The following SNX3 variants were observed in gnomAD, a reference collection of about 807,000 sequenced individuals.
SNX3 encodes sorting nexin 3, also known as sorting nexin-3.
In SNX3, 5 loss-of-function variants were observed where a neutral mutation model predicts 17.7. The ratio of observed to expected loss-of-function variants is 0.28; its 90% CI spans 0.15 to 0.59. The LOEUF is 0.59. Ranked by LOEUF, SNX3 falls within the 20% of genes least tolerant of loss-of-function variation. The pLI is 0.88. For synonymous variants in SNX3, 91 were observed against 76.5 expected, an observed-to-expected ratio of 1.19 and a Z score of -0.99; for missense variants, 132 against 206.8, an observed-to-expected ratio of 0.64 and a Z score of 2.22.
intron 1 of SNX3, among the ~76,000 whole-genome samples, chr6:108,234,600 C>T (rs1775268843): frequency 6.6e-6 from 1 of 152,098 alleles, no homozygotes. Context: ...ATTGAGTTTG[C>T]ATGGTAGACT....
intron 1 of SNX3, among the ~76,000 whole-genome samples, chr6:108,232,443 G>C (rs780390322): frequency 1.3e-5 from 2 of 152,042 alleles, no homozygotes; most frequent in Non-Finnish European, 1.5e-5. Flanking sequence ...AAAAAGGTAG[G>C]TCTTATACAC....
At position 108,214,530 on chromosome 6, in the gene SNX3, T is replaced by C; in HGVS notation, c.351A>G (p.Glu117=). The C allele has an allele frequency of 1.2e-6, 2 of 1,613,848 alleles. No individual in the cohort carries two copies. The highest frequency in any genetic ancestry group is 2.2e-5 in the East Asian group (1 of 44,872). The change falls in exon 3 of 4, where the codon GAA becomes GAG. Residue 117 remains glutamate (E), a synonymous_variant. Transcript: ENST00000230085. ...TAAACTGCTCCAGCCCTTGTTTTCT[T>C]TCCTCAATAAAATTGTCATCAAATA... The part of the protein sequence containing the change: ...DGIFDDNFIE[E]RKQGLEQFIN...
chr6:108,236,332 TTA>T (rs199598810), intron 1 of SNX3, among the ~76,000 whole-genome samples: 89 of 148,604 alleles, frequency 6.0e-4, no homozygotes, highest in Non-Finnish European at 1.2e-3. Context: ...CTACCTCTCT[TTA>T]TATATATATA....
At chr6:108,255,565 T>C (rs1200327726) in intron 1 of SNX3, among the ~76,000 whole-genome samples, 2 of 152,202 alleles carry the variant, frequency 1.3e-5, no homozygotes, top group Admixed American at 6.5e-5. Flanking sequence ...TTGCCCAGGC[T>C]GTGTGGCAAC....
intron 1 of SNX3, among the ~76,000 whole-genome samples, chr6:108,225,098 G>C (rs1774935021): frequency 6.6e-6 from 1 of 152,040 alleles, no homozygotes; most frequent in South Asian, 2.1e-4. Context: ...CTGGCTAACA[G>C]GTGAAACCTC....
In SNX3 at chr6:108,241,689, T is replaced by C. The variant is rs112725488; in HGVS notation, c.163-18644A>G. Reference sequence around the variant, plus strand: ...AATGTGGGCAAGTCCCTAAAAAAAATAAATAGCAACCACCACCTCCCCTTT... The same window carrying C: ...AATGTGGGCAAGTCCCTAAAAAAAACAAATAGCAACCACCACCTCCCCTTT... On this transcript the variant is annotated intron_variant, in intron 1 of 3. Transcript: ENST00000230085. Among the ~76,000 whole-genome samples, 322 of 151,864 alleles carry C rather than the reference T, an allele frequency of 2.1e-3. 4 individuals carry two copies. The highest frequency in any genetic ancestry group is 7.2e-3 in the African/African-American group (297 of 41,444).
At chr6:108,223,461 A>G (rs1319789539) in intron 1 of SNX3, among the ~76,000 whole-genome samples, 1 of 136,814 alleles carries the variant, frequency 7.3e-6, no homozygotes, top group African/African-American at 2.9e-5. Flanking sequence ...TTTTAATATG[A>G]CCTTTTACCC....
chr6:108,245,844 G>T (rs1266674454), intron 1 of SNX3, among the ~76,000 whole-genome samples: 1 of 152,134 alleles, frequency 6.6e-6, no homozygotes, highest in African/African-American at 2.4e-5. Context: ...CTGGATATTA[G>T]ACCTTTGTCA....
At chr6:108,246,313 C>CTTTTTTTTTTTTTTTT (rs71015538) in intron 1 of SNX3, among the ~76,000 whole-genome samples, 1 of 47,984 alleles carries the variant, frequency 2.1e-5, no homozygotes, top group African/African-American at 9.0e-5. Flanking sequence ...TTTGAGCATT[C>CTTTTTTTTTTTTTTTT]TTTTTTTTTT....
chr6:108,234,114 T>C (rs1775250879), intron 1 of SNX3, among the ~76,000 whole-genome samples: 1 of 152,104 alleles, frequency 6.6e-6, no homozygotes, highest in African/African-American at 2.4e-5. Context: ...AGCGGAATAC[T>C]CTTCCAAGAT....
intron 1 of SNX3, 104 bp from the exon 2 acceptor site, chr6:108,223,149 C>CT (rs373299849): frequency 1.5e-5 from 10 of 653,600 alleles, no homozygotes; most frequent in Non-Finnish European, 2.6e-5. Flanking sequence ...CTTTCTTTTT[C>CT]TTTTTTTGAG....
At chr6:108,227,840 G>A (rs1476118785) in intron 1 of SNX3, among the ~76,000 whole-genome samples, 1 of 150,298 alleles carries the variant, frequency 6.7e-6, no homozygotes, top group African/African-American at 2.4e-5. Context: ...TGTTGTTGTT[G>A]TTTAAGGTAC....
chr6:108,231,966 A>G (rs377184256), intron 1 of SNX3, among the ~76,000 whole-genome samples: 8 of 152,330 alleles, frequency 5.3e-5, no homozygotes, highest in African/African-American at 1.4e-4. Flanking sequence ...CTACTTGGAT[A>G]TTTGTACTCT....
intron 1 of SNX3, among the ~76,000 whole-genome samples, chr6:108,253,083 AAC>A (rs1224377525): frequency 2.0e-5 from 3 of 152,242 alleles, no homozygotes; most frequent in African/African-American, 7.2e-5. Flanking sequence ...ATCTAATAAT[AAC>A]AGTCTACTAC....
At chr6:108,235,455 G>GT (rs1775299914) in intron 1 of SNX3, among the ~76,000 whole-genome samples, 1 of 152,194 alleles carries the variant, frequency 6.6e-6, no homozygotes, top group Non-Finnish European at 1.5e-5. Context: ...ATGTTTAATT[G>GT]TAACTGTTTT....
chr6:108,214,907 C>G (rs1162099453), intron 2 of SNX3, among the ~76,000 whole-genome samples: 2 of 152,194 alleles, frequency 1.3e-5, no homozygotes, highest in Non-Finnish European at 2.9e-5. Flanking sequence ...ACTCACAACA[C>G]TGAAATAAAG....
intron 2 of SNX3, among the ~76,000 whole-genome samples, chr6:108,219,535 G>C (rs991268213): frequency 2.0e-5 from 3 of 152,310 alleles, no homozygotes; most frequent in African/African-American, 7.2e-5. Context: ...TTGAGACCAG[G>C]AGTTGGAGGA....
intron 1 of SNX3, among the ~76,000 whole-genome samples, chr6:108,242,824 A>G (rs1430589700): frequency 2.0e-5 from 3 of 152,232 alleles, no homozygotes; most frequent in Admixed American, 2.0e-4. Flanking sequence ...GAGATCAAAG[A>G]GATTTTTTCC....
intron 1 of SNX3, among the ~76,000 whole-genome samples, chr6:108,245,668 T>C (rs1001167337): frequency 6.6e-6 from 1 of 152,276 alleles, no homozygotes; most frequent in Admixed American, 6.5e-5. Flanking sequence ...TGAGATGGTA[T>C]CTCATTGTAG....
Sources: allele counts gnomAD v4.1 joint callset (sites outside exome capture counted in the v4.1 genomes callset), GRCh38; gene constraint gnomAD v4.1.1; transcripts MANE v1.5; gene names NCBI Gene and HGNC (gene_info 2026-07-23, HGNC 2026-07-21).